LNX1: variants seen among roughly 807,000 people sequenced by gnomAD.
LNX1 encodes E3 ubiquitin-protein ligase LNX.
Under a neutral mutation model 68.4 loss-of-function variants are expected in LNX1, and 54 were observed. That is an observed-to-expected ratio of 0.79 (90% CI 0.63 to 0.99). LNX1 has a LOEUF of 0.99. LNX1 is among the 50% of genes least tolerant of loss of function. The pLI, the probability that LNX1 is intolerant of heterozygous loss-of-function variation, is 0.00. For missense variants in LNX1, 906 were observed against 926.4 expected, an observed-to-expected ratio of 0.98 and a Z score of 0.29; for synonymous variants, 336 against 350.0, an observed-to-expected ratio of 0.96 and a Z score of 0.45.
At chr4:53,571,970 G>T (rs1261086864) in intron 2 of LNX1, among the ~76,000 whole-genome samples, 2 of 152,152 alleles carry the variant, frequency 1.3e-5, no homozygotes, top group Admixed American at 6.5e-5. Context: ...AATTTGGGTT[G>T]TTTTAAGTCA....
Position 53,481,757 on chromosome 4 carries a change from C to A in LNX1, c.1448G>T (p.Trp483Leu). The A allele has an allele frequency of 6.2e-7, 1 of 1,613,870 alleles. No individual in the cohort carries two copies. The highest frequency in any genetic ancestry group is 8.5e-7 in the Non-Finnish European group (1 of 1,179,852). Residue 483 changes from tryptophan (W) to leucine (L), a missense_variant, in exon 7 of 11, where the codon TGG (tryptophan) becomes TTG (leucine). Trp to Leu is a moderately conservative substitution (Grantham distance 61). Coordinates refer to ENST00000263925, the MANE Select transcript of LNX1 (RefSeq NM_001126328.3). ...QEAGWNSNGS[W>L]SPGPGERSNT... ...GCTCCTCTCCCCTGGCCCTGGGGAC[C>A]AGCTGCCATTGCTGTTCCAGCCGGC...
intron 2 of LNX1, among the ~76,000 whole-genome samples, chr4:53,603,140 G>A (rs2109837669): frequency 6.6e-6 from 1 of 152,330 alleles, no homozygotes; most frequent in East Asian, 1.9e-4. Context: ...GCACCACAGT[G>A]TCACTGTATT....
At chr4:53,482,204 G>GTAATTA (rs1723961546) in intron 6 of LNX1, among the ~76,000 whole-genome samples, 1 of 152,174 alleles carries the variant, frequency 6.6e-6, no homozygotes, top group African/African-American at 2.4e-5. Context: ...AGAATTAGGT[G>GTAATTA]CACTGTGTAA....
chr4:53,469,616 A>G (rs866524166), intron 9 of LNX1, among the ~76,000 whole-genome samples: 71 of 152,360 alleles, frequency 4.7e-4, no homozygotes, highest in African/African-American at 1.6e-3. Context: ...AGAAGAAAAG[A>G]GAGAAGAATC....
intron 2 of LNX1, among the ~76,000 whole-genome samples, chr4:53,541,788 C>T (rs749097924): frequency 6.6e-6 from 1 of 152,098 alleles, no homozygotes; most frequent in Non-Finnish European, 1.5e-5. Context: ...CACAGATTTA[C>T]AAGTAAAAGA....
chr4:53,639,215 T>C (rs142885651), intron 1 of LNX1, among the ~76,000 whole-genome samples: 24 of 152,266 alleles, frequency 1.6e-4, no homozygotes, highest in African/African-American at 3.6e-4. Context: ...ATTCTTCTCA[T>C]TGAATTATCA....
At chr4:53,636,320 T>A (rs1444674248) in intron 1 of LNX1, among the ~76,000 whole-genome samples, 1 of 150,376 alleles carries the variant, frequency 6.6e-6, no homozygotes, top group Admixed American at 6.7e-5. Context: ...CTTCCACACA[T>A]CACTGTGGTA....
At chr4:53,546,751 G>A (rs1729144408) in intron 2 of LNX1, among the ~76,000 whole-genome samples, 1 of 152,162 alleles carries the variant, frequency 6.6e-6, no homozygotes, top group South Asian at 2.1e-4. Flanking sequence ...TGGGGAAGGA[G>A]GAAAATAGGA....
intron 1 of LNX1, among the ~76,000 whole-genome samples, chr4:53,580,059 T>C (rs1159703289): frequency 6.6e-6 from 1 of 152,160 alleles, no homozygotes; most frequent in East Asian, 1.9e-4. Flanking sequence ...TGAAACACTA[T>C]AGCCACAGAC....
At chr4:53,571,297 G>T (rs1731150313) in intron 2 of LNX1, among the ~76,000 whole-genome samples, 1 of 152,024 alleles carries the variant, frequency 6.6e-6, no homozygotes, top group African/African-American at 2.4e-5. Flanking sequence ...GGGATTACAG[G>T]TGTGAGCCTC....
chr4:53,534,789 A>C (rs1728256008), intron 2 of LNX1, among the ~76,000 whole-genome samples: 2 of 152,206 alleles, frequency 1.3e-5, no homozygotes, highest in Admixed American at 1.3e-4. Flanking sequence ...AGAGTCAATG[A>C]TTTGTGCTCT....
At chr4:53,579,131 T>C in intron 1 of LNX1, 1 of 284,604 alleles carries the variant, frequency 3.5e-6, no homozygotes, top group Non-Finnish European at 5.3e-6. Context: ...ATAAATTTAC[T>C]GAATGTATCA....
intron 2 of LNX1, among the ~76,000 whole-genome samples, chr4:53,556,825 C>T (rs1729945996): frequency 6.6e-6 from 1 of 152,214 alleles, no homozygotes; most frequent in South Asian, 2.1e-4. Flanking sequence ...GCACGGGCTA[C>T]CACTACATAG....
At chr4:53,582,774 A>G (rs1354244227) in intron 1 of LNX1, among the ~76,000 whole-genome samples, 1 of 152,088 alleles carries the variant, frequency 6.6e-6, no homozygotes, top group Non-Finnish European at 1.5e-5. Flanking sequence ...CATGTGGCAG[A>G]ATGGTTGCTT....
chr4:53,496,750 T>G (rs1478140771), intron 5 of LNX1, among the ~76,000 whole-genome samples: 1 of 152,196 alleles, frequency 6.6e-6, no homozygotes, highest in East Asian at 1.9e-4. Context: ...AAGAAAAGCA[T>G]TTTTCCCATT....
At position 53,575,341 on chromosome 4, in the gene LNX1, T is replaced by C. The variant is rs183166359; in HGVS notation, c.-86-1253A>G. On this transcript the variant is annotated intron_variant, in intron 1 of 10. Coordinates refer to ENST00000263925, the MANE Select transcript of LNX1 (RefSeq NM_001126328.3). ...AATACATATTTTCCTTTAACATAGATAGGAGTCAACAATAATCAAGTTTTT... is the reference window on the plus strand; with the variant it reads ...AATACATATTTTCCTTTAACATAGACAGGAGTCAACAATAATCAAGTTTTT... Among the ~76,000 whole-genome samples, 237 of 152,316 alleles carry C rather than the reference T, an allele frequency of 1.6e-3. 3 individuals are homozygous for C. Among genetic ancestry groups the C allele is most frequent in the South Asian group, 1.9e-3 (9 of 4,832 alleles).
At chr4:53,531,764 A>C (rs1728039296) in intron 2 of LNX1, among the ~76,000 whole-genome samples, 1 of 152,112 alleles carries the variant, frequency 6.6e-6, no homozygotes, top group African/African-American at 2.4e-5. Context: ...TCTGCACTTC[A>C]TTTTTCTTGA....
At chr4:53,461,337 AG>A in intron 10 of LNX1, 97 bp downstream of exon 10, 1 of 975,024 alleles carries the variant, frequency 1.0e-6, no homozygotes, top group Non-Finnish European at 1.5e-6. Flanking sequence ...ATCCCCACAA[AG>A]TATAATAAAT....
chr4:53,575,653 C>G (rs1731436028), intron 1 of LNX1: 1 of 1,353,980 alleles, frequency 7.4e-7, no homozygotes, highest in Non-Finnish European at 9.5e-7. Flanking sequence ...ATCACTGGCA[C>G]CAGGTATCTG....
Sources: allele counts gnomAD v4.1 joint callset (sites outside exome capture counted in the v4.1 genomes callset), GRCh38; gene constraint gnomAD v4.1.1; transcripts MANE v1.5; gene names NCBI Gene and HGNC (gene_info 2026-07-23, HGNC 2026-07-21).